The following ZMAT4 variants were observed in gnomAD, a reference collection of about 807,000 sequenced individuals.
The protein encoded by ZMAT4 is zinc finger matrin-type protein 4.
A neutral mutation model predicts 28.7 loss-of-function variants in ZMAT4; 17 were observed. The ratio of observed to expected loss-of-function variants is 0.59; its 90% confidence interval spans 0.41 to 0.89. The LOEUF is 0.89. ZMAT4 is among the 40% of genes least tolerant of loss of function. The pLI is 0.00. For missense variants in ZMAT4, 240 were observed against 283.8 expected, an observed-to-expected ratio of 0.85 and a Z score of 1.11; for synonymous variants, 117 against 109.2, an observed-to-expected ratio of 1.07 and a Z score of -0.44.
chr8:40,668,436 C>T (rs539543472), intron 5 of ZMAT4, among the ~76,000 whole-genome samples: 3 of 131,640 alleles, frequency 2.3e-5, no homozygotes, highest in Admixed American at 8.9e-5. Flanking sequence ...CGCCACTGCA[C>T]TCTAGCTTGG....
At position 40,780,004 on chromosome 8, in the gene ZMAT4, T is replaced by G. The variant is rs553067850; in HGVS notation, c.103-12274A>C. Among the ~76,000 whole-genome samples, 68 of 152,256 alleles carry G rather than the reference T, an allele frequency of 4.5e-4. 1 individual carries two copies. Among genetic ancestry groups the G allele is most frequent in the Middle Eastern group, 6.8e-3 (2 of 294 alleles). On this transcript the variant is annotated intron_variant, in intron 2 of 6. Transcript: ENST00000297737. ...AGCTCTTCAACTGCCAGTTTTCATT[T>G]CTCAGAATCTTATCTTTCCCTCCCC...
chr8:40,679,498 C>A (rs1395359075), intron 4 of ZMAT4, among the ~76,000 whole-genome samples: 2 of 152,106 alleles, frequency 1.3e-5, no homozygotes, highest in Admixed American at 1.3e-4. Flanking sequence ...GAAAACACGT[C>A]CTTCTTCACA....
chr8:40,729,757 C>T (rs1811460125), intron 3 of ZMAT4, among the ~76,000 whole-genome samples: 1 of 152,098 alleles, frequency 6.6e-6, no homozygotes, highest in African/African-American at 2.4e-5. Context: ...TGCCACCACA[C>T]CCAGCTAATC....
chr8:40,573,543 T>G (rs1804166610), intron 6 of ZMAT4, among the ~76,000 whole-genome samples: 1 of 152,304 alleles, frequency 6.6e-6, no homozygotes, highest in African/African-American at 2.4e-5. Context: ...GATTTCATCT[T>G]GAGAATCTTA....
chr8:40,846,487 C>T (rs181831400), intron 1 of ZMAT4, among the ~76,000 whole-genome samples: 8 of 152,332 alleles, frequency 5.3e-5, no homozygotes, highest in Admixed American at 3.9e-4. Context: ...TAATTAAAGT[C>T]ACTGGGTGTT....
intron 5 of ZMAT4, among the ~76,000 whole-genome samples, chr8:40,589,143 AGCAC>A (rs1804767311): frequency 2.0e-5 from 3 of 152,210 alleles, no homozygotes; most frequent in Non-Finnish European, 4.4e-5. Context: ...GCCATATATA[AGCAC>A]TGATGTGCTT....
chr8:40,654,205 C>T (rs1486769512), intron 5 of ZMAT4, among the ~76,000 whole-genome samples: 7 of 152,116 alleles, frequency 4.6e-5, no homozygotes, highest in Non-Finnish European at 1.0e-4. Context: ...CTCTCTAGCC[C>T]AGAGACTCCC....
chr8:40,532,393 G>A (rs1201901335), intron 6 of ZMAT4, among the ~76,000 whole-genome samples, 155 bp from the exon 7 acceptor site: 1 of 97,228 alleles, frequency 1.0e-5, no homozygotes, highest in Non-Finnish European at 2.0e-5. Context: ...AATCTTTCAG[G>A]TTCTAAATAA....
At chr8:40,710,075 G>A (rs1218290402) in intron 3 of ZMAT4, among the ~76,000 whole-genome samples, 1 of 150,610 alleles carries the variant, frequency 6.6e-6, no homozygotes, top group Non-Finnish European at 1.5e-5. Flanking sequence ...GTGGTAGTCT[G>A]AGATATATAC....
At chr8:40,676,488 CG>C (rs1456929634) in intron 4 of ZMAT4, among the ~76,000 whole-genome samples, 1 of 152,034 alleles carries the variant, frequency 6.6e-6, no homozygotes, top group Non-Finnish European at 1.5e-5. Flanking sequence ...TTAGGGTTGT[CG>C]TTCCAAGGAA....
intron 6 of ZMAT4, among the ~76,000 whole-genome samples, chr8:40,550,856 A>C (rs1405384399): frequency 6.6e-6 from 1 of 152,202 alleles, no homozygotes; most frequent in African/African-American, 2.4e-5. Flanking sequence ...AGAACAGACT[A>C]ATATACCTAC....
chr8:40,542,744 T>A (rs1307867860), intron 6 of ZMAT4, among the ~76,000 whole-genome samples: 2 of 152,178 alleles, frequency 1.3e-5, no homozygotes, highest in Non-Finnish European at 2.9e-5. Flanking sequence ...GGGACAATGC[T>A]GAAACAACAT....
intron 5 of ZMAT4, among the ~76,000 whole-genome samples, chr8:40,668,514 T>G (rs1048138333): frequency 6.9e-5 from 8 of 115,648 alleles, no homozygotes; most frequent in African/African-American, 2.6e-4. Flanking sequence ...AAAAAGAAAA[T>G]AATCCTCCTG....
chr8:40,818,840 C>T (rs2150603462), intron 2 of ZMAT4, among the ~76,000 whole-genome samples: 1 of 152,158 alleles, frequency 6.6e-6, no homozygotes, highest in East Asian at 1.9e-4. Flanking sequence ...TTACTTCGGG[C>T]TATTAGAAAA....
chr8:40,864,432 G>A (rs552877013), intron 1 of ZMAT4, among the ~76,000 whole-genome samples: 3 of 152,342 alleles, frequency 2.0e-5, no homozygotes, highest in Middle Eastern at 3.4e-3. Context: ...AAGATGGTCT[G>A]AGGATGACAG....
intron 2 of ZMAT4, among the ~76,000 whole-genome samples, chr8:40,776,347 G>C (rs2150568294): frequency 6.6e-6 from 1 of 152,332 alleles, no homozygotes; most frequent in South Asian, 2.1e-4. Context: ...ATCATGTACG[G>C]TGGGATGTGC....
chr8:40,611,928 C>T (rs1805811953), intron 5 of ZMAT4, among the ~76,000 whole-genome samples: 1 of 152,138 alleles, frequency 6.6e-6, no homozygotes, highest in South Asian at 2.1e-4. Flanking sequence ...AACTACAGAA[C>T]TCATTTTCCA....
At chr8:40,664,359 C>A (rs1419632844) in intron 5 of ZMAT4, among the ~76,000 whole-genome samples, 1 of 152,188 alleles carries the variant, frequency 6.6e-6, no homozygotes, top group Non-Finnish European at 1.5e-5. Flanking sequence ...TCTTCTTCTA[C>A]TTAGCTTTTT....
At chr8:40,731,760 A>T (rs1563442636) in intron 3 of ZMAT4, among the ~76,000 whole-genome samples, 1 of 152,200 alleles carries the variant, frequency 6.6e-6, no homozygotes, top group East Asian at 1.9e-4. Context: ...AGAATTAGAG[A>T]TATTCGCACA....
Sources: allele counts gnomAD v4.1 joint callset (sites outside exome capture counted in the v4.1 genomes callset), GRCh38; gene constraint gnomAD v4.1.1; transcripts MANE v1.5; gene names NCBI Gene and HGNC (gene_info 2026-07-23, HGNC 2026-07-21).